The following GPRC5B variants were observed in gnomAD, a reference collection of about 807,000 sequenced individuals.
GPRC5B encodes G protein-coupled receptor family C group 5 member B.
Under a neutral mutation model 30.1 loss-of-function variants are expected in GPRC5B, and 16 were observed. That is an observed-to-expected ratio of 0.53 (90% confidence interval 0.36 to 0.81). The LOEUF is 0.81. Ranked by LOEUF, GPRC5B falls within the 30% of genes least tolerant of loss-of-function variation. The probability of loss-of-function intolerance (pLI) is 0.01; values close to 1 mark genes in which losing one functional copy is unlikely to be tolerated. For missense variants in GPRC5B, 428 were observed against 544.7 expected (o/e 0.79, Z 2.13); for synonymous variants, 241 against 239.5 (o/e 1.01, Z -0.06).
In GPRC5B at chr16:19,859,951, G is replaced by A. The variant is rs1413030312; in HGVS notation, c.*549C>T. 6.5e-6 allele frequency: 1 copy of A among 153,160 alleles called. No individual in the cohort carries two copies. The highest frequency in any genetic ancestry group is 2.4e-5 in the African/African-American group (1 of 41,424). The allele number at this position is 153,160 out of a possible 1,614,324, so 9.5% of individuals were successfully genotyped here. ...CACGATTCAGTTGGGCCTCACCTTG[G>A]AATCCCACCCACAACCTCCTTAACT... On this transcript the variant is annotated 3_prime_UTR_variant, in exon 4 of 4. Coordinates refer to ENST00000300571, the MANE Select transcript of GPRC5B (RefSeq NM_016235.3).
rs1265063443 is a variant in GPRC5B, at chr16:19,884,083, G to GC, written c.-2+643dup. 1.3e-3 allele frequency among the ~76,000 whole-genome samples: 167 copies of GC among 132,534 alleles called. 2 individuals are homozygous for GC. Among genetic ancestry groups the GC allele is most frequent in the East Asian group, 2.4e-3 (10 of 4,132 alleles). 86.9% of individuals were successfully genotyped at this position (132,534 alleles called of 152,430 possible). A position where few individuals can be genotyped will look rare whatever the true frequency, so the allele number is the denominator to read the frequency against. On this transcript the variant is annotated intron_variant, in intron 1 of 3. Transcript: ENST00000300571. Reference sequence around the variant, plus strand: ...CCCTGTCTGGAAGGGAAACGCCACTGCCCCCCCCGCCATTGTATGCAGCCG... The same window carrying GC: ...CCCTGTCTGGAAGGGAAACGCCACTGCCCCCCCCCGCCATTGTATGCAGCCG...
rs756041125 is a variant in GPRC5B at position 19,872,775 on chromosome 16, G to C, written c.71C>G (p.Thr24Ser). ...GCTGGCGTTTTCAGAGGCCACCGAG[G>C]TGATCACGAAGAGCAGGAGGAAGGT... ...VLTFLLLFVI[T>S]SVASENASTS... Residue 24 changes from threonine to serine, a missense_variant, in exon 2 of 4, where the codon ACC becomes AGC. Physicochemically the swap from Thr to Ser is moderately conservative, Grantham distance 58. Around this residue, in one of 3 missense-constraint regions of GPRC5B, gnomAD observed 196 missense variants for 272.6 expected, o/e 0.72. Coordinates refer to ENST00000300571, the MANE Select transcript of GPRC5B (RefSeq NM_016235.3). The surrounding 1 kb of genome is among the most constrained non-coding windows in gnomAD (Gnocchi z 5.0). The C allele has an allele frequency of 1.0e-4, 167 of 1,613,618 alleles. 1 individual carries two copies. Among genetic ancestry groups the C allele is most frequent in the Non-Finnish European group, 1.3e-4 (155 of 1,179,908 alleles).
At position 19,872,256 on chromosome 16, in the gene GPRC5B, G is replaced by A; in HGVS notation, c.590C>T (p.Pro197Leu). 1 of 1,614,094 alleles carries A rather than the reference G, an allele frequency of 6.2e-7. No homozygotes were observed. Among genetic ancestry groups the A allele is most frequent in the Non-Finnish European group, 8.5e-7 (1 of 1,180,000 alleles). ...RDTRPACAYE[P>L]MDFVMALIYD... ...GATGAGGGCCATCACAAAGTCCATG[G>A]GCTCGTAGGCGCAGGCTGGCCTTGT... Residue 197 changes from proline (P) to leucine (L), a missense_variant, in exon 2 of 4, where the codon CCC (proline) becomes CTC (leucine). Pro to Leu is a moderately conservative substitution (Grantham distance 98). This residue lies in a region of GPRC5B where 196 missense variants were observed against 272.6 expected (regional missense o/e 0.72). Coordinates refer to ENST00000300571, the MANE Select transcript of GPRC5B (RefSeq NM_016235.3). This position sits in a 1 kb window ranked among gnomAD's most constrained non-coding sequence, Gnocchi z 5.0.
At chr16:19,878,932 A>C (rs1458543762) in intron 1 of GPRC5B, among the ~76,000 whole-genome samples, 2 of 152,074 alleles carry the variant, frequency 1.3e-5, no homozygotes, top group African/African-American at 4.8e-5. Context: ...TCCAGCCACC[A>C]GTGCTTCCAC....
intron 3 of GPRC5B, 65 bp from the exon 4 acceptor site, chr16:19,860,609 C>G: frequency 9.6e-7 from 1 of 1,038,584 alleles, no homozygotes; most frequent in Middle Eastern, 2.0e-4. Flanking sequence ...CACTAGAAAC[C>G]GATGCGTAAA....
At chr16:19,883,887 G>A (rs955908658) in intron 1 of GPRC5B, among the ~76,000 whole-genome samples, 2 of 152,224 alleles carry the variant, frequency 1.3e-5, no homozygotes, top group Admixed American at 6.5e-5. Flanking sequence ...CCGGGGCCAA[G>A]GCGGGTGCGG....
chr16:19,884,601 C>T (rs1210650396), intron 1 of GPRC5B, 126 bp downstream of exon 1: 2 of 695,832 alleles, frequency 2.9e-6, no homozygotes, highest in Non-Finnish European at 3.5e-6. Context: ...AACTCCCTGG[C>T]TTGGGTTGGG....
chr16:19,873,656 C>T (rs1339895225), intron 1 of GPRC5B, among the ~76,000 whole-genome samples: 1 of 152,114 alleles, frequency 6.6e-6, no homozygotes, highest in African/African-American at 2.4e-5. Flanking sequence ...TGAGACAGCT[C>T]CTATTAGGAC....
At chr16:19,883,681 G>A (rs767264279) in intron 1 of GPRC5B, among the ~76,000 whole-genome samples, 4 of 152,372 alleles carry the variant, frequency 2.6e-5, no homozygotes, top group Admixed American at 6.5e-5. Flanking sequence ...CCCAGGCGGG[G>A]ACGCCGCTGC....
intron 1 of GPRC5B, among the ~76,000 whole-genome samples, chr16:19,877,806 C>G (rs1233129085): frequency 2.0e-5 from 3 of 152,158 alleles, no homozygotes; most frequent in Non-Finnish European, 4.4e-5. Context: ...GAGACACAAA[C>G]AATTGTCCTA....
intron 1 of GPRC5B, among the ~76,000 whole-genome samples, chr16:19,883,433 A>C (rs1463914561): frequency 6.6e-6 from 1 of 152,194 alleles, no homozygotes; most frequent in Non-Finnish European, 1.5e-5. Flanking sequence ...TTTGCATTCT[A>C]TTTACATGTC....
chr16:19,882,576 G>C (rs903767859), intron 1 of GPRC5B, among the ~76,000 whole-genome samples: 6 of 152,270 alleles, frequency 3.9e-5, no homozygotes, highest in African/African-American at 1.4e-4. Flanking sequence ...GTCCCCCAAG[G>C]CTGGACAGAG....
chr16:19,870,690 C>T (rs1369465622), intron 2 of GPRC5B, among the ~76,000 whole-genome samples: 2 of 152,168 alleles, frequency 1.3e-5, no homozygotes, highest in African/African-American at 4.8e-5. Context: ...GACTCAAATG[C>T]TTTGGGGGAG....
intron 2 of GPRC5B, among the ~76,000 whole-genome samples, chr16:19,869,578 C>CA (rs1396639456): frequency 6.6e-6 from 1 of 152,058 alleles, no homozygotes; most frequent in African/African-American, 2.4e-5. Context: ...GTTCCTGTAT[C>CA]ACATCCCCTA....
At chr16:19,884,937 G>A (rs1396598653), upstream of GPRC5B, 30 of 884,494 alleles carry the variant, frequency 3.4e-5, no homozygotes, top group South Asian at 5.4e-5. Context: ...CCCCGCCCCC[G>A]GCCGGCCCCG....
In GPRC5B at chr16:19,858,818, C is replaced by T; in HGVS notation, c.*1682G>A. 3 of 353,110 alleles carry T rather than the reference C, an allele frequency of 8.5e-6. No homozygotes were observed. The highest frequency in any genetic ancestry group is 7.6e-4 in the Middle Eastern group (1 of 1,322). 21.9% of individuals were successfully genotyped at this position (353,110 alleles called of 1,614,324 possible). ...GTGGGGGTGGCATTCTGGGGCCATG[C>T]GTTTTCTTCCCCATGCGTGGTAACA... is the stretch of plus-strand genomic sequence containing the variant. On this transcript the variant is annotated 3_prime_UTR_variant, in exon 4 of 4. Transcript: ENST00000300571.
chr16:19,885,626 A>T (rs116796234), upstream of GPRC5B: 1,180 of 1,009,002 alleles, frequency 1.2e-3, 13 homozygotes, highest in African/African-American at 0.019. The surrounding 1 kb of genome is among the most constrained non-coding windows in gnomAD (Gnocchi z 5.3). Flanking sequence ...ACTGCCCTTC[A>T]GGGCTCACAC....
intron 1 of GPRC5B, among the ~76,000 whole-genome samples, chr16:19,884,179 G>C (rs1002487040): frequency 8.1e-6 from 1 of 123,014 alleles, no homozygotes; most frequent in South Asian, 3.1e-4. Context: ...TCCCACCGCC[G>C]TGTCCCCCCC....
At chr16:19,870,019 G>A (rs1371499395) in intron 2 of GPRC5B, among the ~76,000 whole-genome samples, 1 of 152,298 alleles carries the variant, frequency 6.6e-6, no homozygotes, top group Non-Finnish European at 1.5e-5. Flanking sequence ...AGGCTGCAGT[G>A]AACTGTGATT....
Sources: allele counts gnomAD v4.1 joint callset (sites outside exome capture counted in the v4.1 genomes callset), GRCh38; gene constraint gnomAD v4.1.1; regional missense constraint gnomAD v4.1.1; non-coding constraint Gnocchi (gnomAD v3.1); transcripts MANE v1.5; gene names NCBI Gene and HGNC (gene_info 2026-07-23, HGNC 2026-07-21).